The following KCNN2 variants were observed in gnomAD, a reference collection of about 807,000 sequenced individuals.
KCNN2 encodes the protein small conductance calcium-activated potassium channel protein 2.
A neutral mutation model predicts 55.5 loss-of-function variants in KCNN2; 24 were observed. That is an observed-to-expected ratio of 0.43 (90% CI 0.31 to 0.61). The LOEUF (loss-of-function observed/expected upper bound fraction) is 0.61, where lower values mean the gene tolerates loss of function less well. KCNN2 is among the 20% of genes least tolerant of loss of function. The pLI, the probability that KCNN2 is intolerant of heterozygous loss-of-function variation, is 0.08. For synonymous variants in KCNN2, 431 were observed against 336.1 expected (o/e 1.28, Z -3.09); for missense variants, 754 against 853.6 (o/e 0.88, Z 1.45).
intron 3 of KCNN2, among the ~76,000 whole-genome samples, chr5:114,430,651 A>G (rs1561379104): frequency 6.6e-6 from 1 of 152,132 alleles, no homozygotes; most frequent in African/African-American, 2.4e-5. Flanking sequence ...GAGAACAGAC[A>G]TCCTTGCCTT....
At chr5:114,146,074 A>G (rs1190697939) in intron 1 of KCNN2, among the ~76,000 whole-genome samples, 3 of 152,192 alleles carry the variant, frequency 2.0e-5, no homozygotes, top group Non-Finnish European at 4.4e-5. Flanking sequence ...AAACACAAGC[A>G]TAGCCTCTTC....
At chr5:114,168,943 T>A (rs1254916157) in intron 1 of KCNN2, among the ~76,000 whole-genome samples, 1 of 152,090 alleles carries the variant, frequency 6.6e-6, no homozygotes, top group African/African-American at 2.4e-5. Flanking sequence ...TAGGGCCTGG[T>A]GGGAGGTGAC....
intron 1 of KCNN2, among the ~76,000 whole-genome samples, chr5:114,198,183 A>G (rs1227853139): frequency 4.6e-5 from 7 of 151,792 alleles, no homozygotes; most frequent in East Asian, 3.8e-4. Context: ...ATTCAGATTT[A>G]TGTTGAGTCT....
Position 114,139,995 on chromosome 5 carries a change from C to T in KCNN2, c.-270-81485C>T, listed in dbSNP as rs573053124. On this transcript the variant is annotated intron_variant, in intron 1 of 10. Coordinates refer to the KCNN2 transcript ENST00000512097. Reference sequence around the variant, plus strand: ...TCTATTAAGAAAGATATTAGATTTGCAAAATATGTGAAACAATGACACTCT... The same window carrying T: ...TCTATTAAGAAAGATATTAGATTTGTAAAATATGTGAAACAATGACACTCT... Among the ~76,000 whole-genome samples the T allele has an allele frequency of 1.8e-4, 28 of 151,998 alleles. No individual in the cohort carries two copies. The South Asian group carries it at 4.8e-3, about 26-fold the overall frequency.
At chr5:114,210,350 G>C (rs923695651) in intron 1 of KCNN2, among the ~76,000 whole-genome samples, 1 of 152,134 alleles carries the variant, frequency 6.6e-6, no homozygotes, top group African/African-American at 2.4e-5. Flanking sequence ...GTATTGAGCT[G>C]TCAAGGAAAA....
intron 1 of KCNN2, among the ~76,000 whole-genome samples, chr5:114,068,916 C>T (rs993601029): frequency 1.3e-5 from 2 of 152,012 alleles, no homozygotes; most frequent in Non-Finnish European, 2.9e-5. Context: ...CAGATTCAAC[C>T]GATTCTCCTG....
chr5:114,196,369 A>T (rs1753558234), intron 1 of KCNN2, among the ~76,000 whole-genome samples: 1 of 152,082 alleles, frequency 6.6e-6, no homozygotes, highest in Non-Finnish European at 1.5e-5. Context: ...TAATACCAAC[A>T]TCATAGAATA....
chr5:114,129,171 G>T (rs1751998803), intron 1 of KCNN2, among the ~76,000 whole-genome samples: 1 of 152,132 alleles, frequency 6.6e-6, no homozygotes, highest in South Asian at 2.1e-4. Flanking sequence ...AAAGGAATGA[G>T]GAAGATAGGT....
chr5:114,424,411 A>G (rs1759557961), intron 3 of KCNN2, among the ~76,000 whole-genome samples: 1 of 152,230 alleles, frequency 6.6e-6, no homozygotes, highest in South Asian at 2.1e-4. Flanking sequence ...AAGAGATACT[A>G]TATTTTTAAA....
chr5:114,399,825 G>A (rs931796091), intron 2 of KCNN2, among the ~76,000 whole-genome samples: 3 of 151,628 alleles, frequency 2.0e-5, no homozygotes, highest in Admixed American at 1.3e-4. Context: ...TTCTGGGTTC[G>A]ATCTTGGGAG....
At chr5:114,071,192 A>G (rs887650123) in intron 1 of KCNN2, among the ~76,000 whole-genome samples, 3 of 152,244 alleles carry the variant, frequency 2.0e-5, no homozygotes, top group Admixed American at 6.5e-5. Context: ...TGAAAGGTCC[A>G]GAGAATCAGG....
chr5:114,326,250 A>G (rs940613881), intron 2 of KCNN2, among the ~76,000 whole-genome samples: 3 of 152,182 alleles, frequency 2.0e-5, no homozygotes, highest in African/African-American at 7.2e-5. Context: ...TTAGACCTCA[A>G]GTAGCGGGTA....
At chr5:114,292,034 G>A (rs1413017440) in intron 2 of KCNN2, among the ~76,000 whole-genome samples, 1 of 148,490 alleles carries the variant, frequency 6.7e-6, no homozygotes, top group Non-Finnish European at 1.5e-5. Flanking sequence ...TTTTTGATGG[G>A]GTTGTTTGTT....
At chr5:114,254,193 G>A (rs1754936005) in intron 2 of KCNN2, among the ~76,000 whole-genome samples, 1 of 152,036 alleles carries the variant, frequency 6.6e-6, no homozygotes, top group African/African-American at 2.4e-5. Context: ...AAGAGGCTCT[G>A]TATTAATGAA....
intron 2 of KCNN2, among the ~76,000 whole-genome samples, chr5:114,243,162 G>T (rs1291118114): frequency 6.6e-6 from 1 of 152,152 alleles, no homozygotes; most frequent in African/African-American, 2.4e-5. Flanking sequence ...TATTTAGATT[G>T]TGGCTTAGAA....
chr5:114,297,660 T>C (rs1756056792), intron 2 of KCNN2, among the ~76,000 whole-genome samples: 1 of 152,140 alleles, frequency 6.6e-6, no homozygotes, highest in Non-Finnish European at 1.5e-5. Context: ...TGCAAATATA[T>C]TTACTACAGC....
intron 3 of KCNN2, among the ~76,000 whole-genome samples, chr5:114,437,464 G>C (rs974495261): frequency 1.3e-5 from 2 of 152,108 alleles, no homozygotes; most frequent in Non-Finnish European, 2.9e-5. Flanking sequence ...ATTTAGTCTA[G>C]CTTCTTTTTG....
chr5:114,282,565 G>T (rs1181589998), intron 2 of KCNN2, among the ~76,000 whole-genome samples: 1 of 151,634 alleles, frequency 6.6e-6, no homozygotes, highest in Non-Finnish European at 1.5e-5. Flanking sequence ...AAGATTTATG[G>T]CTGTTGCATC....
chr5:114,144,746 A>G (rs1053848210), intron 1 of KCNN2, among the ~76,000 whole-genome samples: 1 of 146,632 alleles, frequency 6.8e-6, no homozygotes, highest in African/African-American at 2.5e-5. Flanking sequence ...ACTTTTAAGT[A>G]GTATAGTTTT....
Sources: gnomAD v4.1 joint callset for allele counts (sites outside exome capture counted in the v4.1 genomes callset) on GRCh38, gnomAD v4.1.1 for gene constraint, MANE v1.5 for transcripts, NCBI Gene and HGNC (gene_info 2026-07-23, HGNC 2026-07-21) for gene names.